ZEB2: variants seen among roughly 807,000 people sequenced by gnomAD.
ZEB2 encodes zinc finger E-box-binding homeobox 2.
In ZEB2, 6 loss-of-function variants were observed where a neutral mutation model predicts 99.9. That is an observed-to-expected ratio of 0.06 (90% CI 0.03 to 0.12). ZEB2 has a LOEUF of 0.12. ZEB2 is among the 10% of genes least tolerant of loss of function. ZEB2 has a pLI of 1.00. For missense variants in ZEB2, 969 were observed against 1,502.8 expected (o/e 0.64, Z 5.87); for synonymous variants, 517 against 542.5 (o/e 0.95, Z 0.65).
intron 9 of ZEB2, among the ~76,000 whole-genome samples, chr2:144,396,037 A>G (rs1402482292): frequency 1.3e-5 from 2 of 152,042 alleles, no homozygotes; most frequent in African/African-American, 2.4e-5. Flanking sequence ...TTACTGTCTG[A>G]ATTTCTTATT....
rs1703069863 is a variant in ZEB2, at chr2:144,385,493, G to A, written c.*3958C>T. Reference sequence around the variant, plus strand: ...TGTGAGATTCAAATAATTGCATTGAGCATGTTTATTTGAATAATTGCCCCA... The same window carrying A: ...TGTGAGATTCAAATAATTGCATTGAACATGTTTATTTGAATAATTGCCCCA... On this transcript the variant is annotated 3_prime_UTR_variant, in exon 10 of 10. Transcript: ENST00000627532. The A allele has an allele frequency of 6.6e-6, 1 of 152,082 alleles. No individual in the cohort carries two copies. The highest frequency in any genetic ancestry group is 1.5e-5 in the Non-Finnish European group (1 of 67,992). The allele number at this position is 152,082 out of a possible 1,614,324, so 9.4% of individuals were successfully genotyped here. A position where few individuals can be genotyped will look rare whatever the true frequency, so the allele number is the denominator to read the frequency against.
intron 9 of ZEB2, chr2:144,390,509 T>C (rs549984031): frequency 4.3e-6 from 1 of 233,544 alleles, no homozygotes; most frequent in African/African-American, 2.3e-5. Context: ...AAGGGGATCT[T>C]AGGTCTTAAA....
intron 7 of ZEB2, 86 bp from the exon 8 acceptor site, chr2:144,400,356 A>T: frequency 6.9e-7 from 1 of 1,449,724 alleles, no homozygotes; most frequent in Non-Finnish European, 9.4e-7. Flanking sequence ...CTGTGAAACC[A>T]AACAAAAGGA....
intron 2 of ZEB2, among the ~76,000 whole-genome samples, chr2:144,456,043 C>A (rs574387859): frequency 1.3e-5 from 2 of 151,956 alleles, no homozygotes; most frequent in African/African-American, 4.8e-5. Flanking sequence ...TTAAAGATGG[C>A]GAACTCAGAG....
chr2:144,390,104 T>A lies in ZEB2; in HGVS notation c.3068-76A>T, dbSNP rs182641713. ...TCTTTCCACTAATTCTGTACGCGAG[T>A]CCAGACTCAGGCATAAGCGTGTGTA... On this transcript the variant is annotated intron_variant, in intron 9 of 9. Transcript: ENST00000627532. 3.3e-4 allele frequency: 495 copies of A among 1,480,616 alleles called. 2 individuals are homozygous for A. Among genetic ancestry groups the A allele is most frequent in the Non-Finnish European group, 3.3e-5 (36 of 1,080,448 alleles). 91.7% of individuals were successfully genotyped at this position (1,480,616 alleles called of 1,614,324 possible). A position where few individuals can be genotyped will look rare whatever the true frequency, so the allele number is the denominator to read the frequency against.
chr2:144,481,632 A>G (rs1704514312), intron 2 of ZEB2, among the ~76,000 whole-genome samples: 1 of 152,212 alleles, frequency 6.6e-6, no homozygotes, highest in South Asian at 2.1e-4. Context: ...TACAAAATAG[A>G]ATCTACAAAA....
At chr2:144,429,484 T>C in intron 3 of ZEB2, 3 of 447,068 alleles carry the variant, frequency 6.7e-6, no homozygotes, top group South Asian at 2.2e-5. Flanking sequence ...AATTTGCACA[T>C]TGTAAATGTG....
At chr2:144,436,355 G>A (rs1330594097) in intron 2 of ZEB2, among the ~76,000 whole-genome samples, 1 of 152,152 alleles carries the variant, frequency 6.6e-6, no homozygotes, top group Non-Finnish European at 1.5e-5. Flanking sequence ...CATTAAACCT[G>A]CATTATAAAT....
At chr2:144,495,738 G>A (rs1425086748) in intron 2 of ZEB2, 1 of 152,176 alleles carries the variant, frequency 6.6e-6, no homozygotes, top group Non-Finnish European at 1.5e-5. Flanking sequence ...TCACTTCACT[G>A]GGCACCCAGC....
At chr2:144,494,719 G>A (rs544054743) in intron 2 of ZEB2, 2 of 152,228 alleles carry the variant, frequency 1.3e-5, no homozygotes, top group Non-Finnish European at 2.9e-5. Context: ...CATCTTTAGA[G>A]CACTGTCATT....
chr2:144,451,568 A>G (rs913670482), intron 2 of ZEB2, among the ~76,000 whole-genome samples: 1 of 152,212 alleles, frequency 6.6e-6, no homozygotes, highest in East Asian at 1.9e-4. Context: ...ATGAATATTT[A>G]CATTTTAAAA....
chr2:144,497,352 C>G (rs2149922592), intron 2 of ZEB2, among the ~76,000 whole-genome samples: 1 of 152,274 alleles, frequency 6.6e-6, no homozygotes, highest in East Asian at 1.9e-4. Flanking sequence ...CTCTAGCATC[C>G]ATTTTTTGAT....
chr2:144,408,515 T>G (rs952086737), intron 4 of ZEB2, among the ~76,000 whole-genome samples: 1 of 152,254 alleles, frequency 6.6e-6, no homozygotes, highest in East Asian at 1.9e-4. Flanking sequence ...TATTTCTTCA[T>G]GCTGTATAGA....
At chr2:144,390,867 G>A (rs1490140975) in intron 9 of ZEB2, among the ~76,000 whole-genome samples, 5 of 152,110 alleles carry the variant, frequency 3.3e-5, no homozygotes, top group South Asian at 4.1e-4. Context: ...AATAGCACTG[G>A]AATGCCTTCA....
chr2:144,405,583 C>T (rs1703375434), intron 4 of ZEB2, among the ~76,000 whole-genome samples: 1 of 151,652 alleles, frequency 6.6e-6, no homozygotes, highest in South Asian at 2.1e-4. Flanking sequence ...GAAAGATATT[C>T]CTAGACAGAT....
At position 144,497,960 on chromosome 2, in the gene ZEB2, T is replaced by C. The variant is rs184168232; in HGVS notation, c.73+19318A>G. On this transcript the variant is annotated intron_variant, in intron 2 of 9. Coordinates refer to ENST00000627532, the MANE Select transcript of ZEB2 (RefSeq NM_014795.4). ...TTAATATTATATATTATATAATATA[T>C]ATTAATATTATATATTATATAATAT... Among the ~76,000 whole-genome samples, 301 of 30,238 alleles carry C rather than the reference T, an allele frequency of 1.0e-2. 16 individuals carry two copies. Among genetic ancestry groups the C allele is most frequent in the East Asian group, 0.045 (24 of 532 alleles). 19.8% of individuals were successfully genotyped at this position (30,238 alleles called of 152,430 possible).
chr2:144,400,837 T>A (rs1293985872), intron 7 of ZEB2, among the ~76,000 whole-genome samples: 1 of 152,196 alleles, frequency 6.6e-6, no homozygotes, highest in African/African-American at 2.4e-5. Flanking sequence ...CTTCACCCTT[T>A]TTTTCATGGG....
intron 2 of ZEB2, among the ~76,000 whole-genome samples, chr2:144,497,248 G>A (rs919660210): frequency 6.6e-6 from 1 of 152,026 alleles, no homozygotes; most frequent in Admixed American, 6.6e-5. Context: ...CTCTGTATTG[G>A]GTAGAAAGTT....
intron 2 of ZEB2, among the ~76,000 whole-genome samples, chr2:144,451,089 T>C (rs758859771): frequency 6.6e-6 from 1 of 152,068 alleles, no homozygotes; most frequent in East Asian, 1.9e-4. Flanking sequence ...AAGGAAGAGA[T>C]TGGGAAAATA....
Sources: gnomAD v4.1 joint callset for allele counts (sites outside exome capture counted in the v4.1 genomes callset) on GRCh38, gnomAD v4.1.1 for gene constraint, MANE v1.5 for transcripts, NCBI Gene and HGNC (gene_info 2026-07-23, HGNC 2026-07-21) for gene names.